BRINP1: variants seen among roughly 807,000 people sequenced by gnomAD.
BRINP1 encodes BMP/retinoic acid-inducible neural-specific protein 1.
In BRINP1, 17 loss-of-function variants were observed where a neutral mutation model predicts 72.9. The ratio of observed to expected loss-of-function variants is 0.23; its 90% CI spans 0.16 to 0.35. The LOEUF is 0.35. Ranked by LOEUF, BRINP1 falls within the 10% of genes least tolerant of loss-of-function variation. BRINP1 has a pLI of 1.00. For synonymous variants in BRINP1, 418 were observed against 378.5 expected, an observed-to-expected ratio of 1.10 and a Z score of -1.21; for missense variants, 850 against 1,001.6, an observed-to-expected ratio of 0.85 and a Z score of 2.04.
intron 1 of BRINP1, among the ~76,000 whole-genome samples, chr9:119,328,970 G>A (rs1831267509): frequency 6.6e-6 from 1 of 152,170 alleles, no homozygotes; most frequent in Non-Finnish European, 1.5e-5. Context: ...CCACTAAAAT[G>A]AGTAAGAAAT....
At chr9:119,363,211 T>C (rs2119045573) in intron 1 of BRINP1, among the ~76,000 whole-genome samples, 1 of 152,278 alleles carries the variant, frequency 6.6e-6, no homozygotes, top group South Asian at 2.1e-4. Context: ...CAAGTGATTC[T>C]CCAACCTCGG....
Position 119,209,068 on chromosome 9 carries a change from CCATAGAACATTG to C in BRINP1, c.923-139_923-128del, listed in dbSNP as rs1829890897. ...AAACATAATTTTTTTTTCTTAAGGG[CCATAGAACATTG>C]CATTAGTCTGTCCTGCCCCTACTAG... is the stretch of plus-strand genomic sequence containing the variant. On this transcript the variant is annotated intron_variant, in intron 6 of 7. Coordinates refer to ENST00000265922, the MANE Select transcript of BRINP1 (RefSeq NM_014618.3). The C allele has an allele frequency of 7.0e-6, 5 of 709,744 alleles. No homozygotes were observed. In the African/African-American group the frequency reaches 7.1e-5, roughly 10 times the overall value. The allele number at this position is 709,744 out of a possible 1,614,324, so 44.0% of individuals were successfully genotyped here.
intron 7 of BRINP1, among the ~76,000 whole-genome samples, chr9:119,173,751 G>T (rs1355563234): frequency 1.4e-5 from 2 of 145,540 alleles, no homozygotes; most frequent in Non-Finnish European, 3.0e-5. Flanking sequence ...ATACTACAAG[G>T]CTACAGTAAC....
chr9:119,290,206 A>G (rs1410968983), intron 2 of BRINP1, among the ~76,000 whole-genome samples: 2 of 152,216 alleles, frequency 1.3e-5, no homozygotes, highest in African/African-American at 4.8e-5. Context: ...TTGCATGTCT[A>G]TGGCTGCCTG....
chr9:119,238,863 T>C, intron 4 of BRINP1, 103 bp from the exon 5 acceptor site: 1 of 694,736 alleles, frequency 1.4e-6, no homozygotes, highest in Non-Finnish European at 2.4e-6. Flanking sequence ...AGAAAAGGCC[T>C]CCTGGTTTGA....
At chr9:119,297,734 T>G (rs1830895030) in intron 2 of BRINP1, among the ~76,000 whole-genome samples, 1 of 152,158 alleles carries the variant, frequency 6.6e-6, no homozygotes. Flanking sequence ...ACTGGCAGCA[T>G]CAGGGCTGGG....
At chr9:119,290,586 G>T (rs1830811389) in intron 2 of BRINP1, among the ~76,000 whole-genome samples, 1 of 152,138 alleles carries the variant, frequency 6.6e-6, no homozygotes. Flanking sequence ...AAAAATTCTG[G>T]AGTTTGAAGG....
chr9:119,345,630 C>T (rs1420306067), intron 1 of BRINP1, among the ~76,000 whole-genome samples: 2 of 152,156 alleles, frequency 1.3e-5, no homozygotes, highest in Non-Finnish European at 2.9e-5. Context: ...TAAAGTTGTA[C>T]CATTAGTTCT....
At chr9:119,226,910 T>C (rs1256177609) in intron 5 of BRINP1, among the ~76,000 whole-genome samples, 2 of 151,776 alleles carry the variant, frequency 1.3e-5, no homozygotes, top group African/African-American at 4.8e-5. Context: ...TTATGTAGAG[T>C]TTAAGAATAC....
intron 1 of BRINP1, among the ~76,000 whole-genome samples, chr9:119,318,847 GTGTGTGTGTGTGTGTGTGTGT>G (rs1831155516): frequency 4.7e-5 from 3 of 63,794 alleles, no homozygotes; most frequent in African/African-American, 1.2e-4. Context: ...TGTGTGGGGT[GTGTGTGTGTGTGTGTGTGTGT>G]GTGTGTGTGT....
rs138880113 is a variant in BRINP1 at position 119,341,866 on chromosome 9, C to T, written c.-51+27190G>A. Among the ~76,000 whole-genome samples, 742 of 152,190 alleles carry T rather than the reference C, an allele frequency of 4.9e-3. 9 individuals are homozygous for T. In the Middle Eastern group the frequency reaches 0.061, roughly 13 times the overall value. On this transcript the variant is annotated intron_variant, in intron 1 of 7. Transcript: ENST00000265922. ...GCAACCTCTGCCTCCCAGGTTCAAG[C>T]GATTCTACTGACTCAGCCTCCCAAG... is the stretch of plus-strand genomic sequence containing the variant.
intron 2 of BRINP1, among the ~76,000 whole-genome samples, chr9:119,250,625 A>G (rs192129533): frequency 4.6e-5 from 7 of 152,360 alleles, no homozygotes; most frequent in African/African-American, 1.7e-4. Context: ...GTTCCCAGAC[A>G]TGTACATGTA....
intron 1 of BRINP1, among the ~76,000 whole-genome samples, chr9:119,332,237 C>A (rs1831306667): frequency 6.6e-6 from 1 of 152,150 alleles, no homozygotes; most frequent in South Asian, 2.1e-4. Flanking sequence ...TGTATATAAC[C>A]ATTCTAGCTA....
chr9:119,361,431 G>T (rs1831627392), intron 1 of BRINP1, among the ~76,000 whole-genome samples: 1 of 152,046 alleles, frequency 6.6e-6, no homozygotes, highest in Non-Finnish European at 1.5e-5. Flanking sequence ...TGCCACCATG[G>T]CATAGAATCA....
At chr9:119,195,172 C>A (rs1055080365) in intron 7 of BRINP1, among the ~76,000 whole-genome samples, 1 of 152,134 alleles carries the variant, frequency 6.6e-6, no homozygotes, top group Non-Finnish European at 1.5e-5. Context: ...TCTTCTAGAT[C>A]TTGAGCTGTC....
chr9:119,199,262 G>T (rs1829778515), intron 7 of BRINP1, among the ~76,000 whole-genome samples: 1 of 152,150 alleles, frequency 6.6e-6, no homozygotes. Flanking sequence ...CTATGGAGAT[G>T]AAATCCAGAG....
chr9:119,181,022 T>C (rs1829551036), intron 7 of BRINP1, among the ~76,000 whole-genome samples: 1 of 152,182 alleles, frequency 6.6e-6, no homozygotes, highest in Non-Finnish European at 1.5e-5. Context: ...TACACAGTTC[T>C]GTGTCTGGAA....
intron 7 of BRINP1, among the ~76,000 whole-genome samples, chr9:119,173,442 T>G (rs1425726411): frequency 6.6e-6 from 1 of 151,310 alleles, no homozygotes; most frequent in Non-Finnish European, 1.5e-5. Flanking sequence ...GAAGGACCTC[T>G]TCAAGGAGAA....
intron 7 of BRINP1, among the ~76,000 whole-genome samples, chr9:119,169,241 CCAGA>C (rs1405113166): frequency 6.6e-5 from 10 of 152,174 alleles, no homozygotes; most frequent in Non-Finnish European, 1.5e-4. Flanking sequence ...CTAGGGAGTG[CCAGA>C]CAGTGGGCGC....
Sources: allele counts gnomAD v4.1 joint callset (sites outside exome capture counted in the v4.1 genomes callset), GRCh38; gene constraint gnomAD v4.1.1; transcripts MANE v1.5; gene names NCBI Gene and HGNC (gene_info 2026-07-23, HGNC 2026-07-21).